The following ADCY10 variants were observed in gnomAD, a reference collection of about 807,000 sequenced individuals.
ADCY10 encodes the protein adenylate cyclase type 10.
Under a neutral mutation model 183.3 loss-of-function variants are expected in ADCY10, and 156 were observed. The ratio of observed to expected loss-of-function variants is 0.85; its 90% CI spans 0.75 to 0.97. The LOEUF (loss-of-function observed/expected upper bound fraction) is 0.97, where lower values mean the gene tolerates loss of function less well. Ranked by LOEUF, ADCY10 falls within the 50% of genes least tolerant of loss-of-function variation. The pLI, the probability that ADCY10 is intolerant of heterozygous loss-of-function variation, is 0.00. For missense variants in ADCY10, 1,745 were observed against 1,934.3 expected, an observed-to-expected ratio of 0.90 and a Z score of 1.84; for synonymous variants, 645 against 670.0, an observed-to-expected ratio of 0.96 and a Z score of 0.58.
intron 9 of ADCY10, 86 bp from the exon 10 acceptor site, chr1:167,880,695 GC>G: frequency 1.1e-6 from 1 of 940,534 alleles, no homozygotes; most frequent in Non-Finnish European, 1.7e-6. Flanking sequence ...AGAGCCGGCG[GC>G]AATTTTTGGC....
At chr1:167,827,425 C>T (rs573222635) in intron 26 of ADCY10, among the ~76,000 whole-genome samples, 1 of 151,600 alleles carries the variant, frequency 6.6e-6, no homozygotes. Flanking sequence ...CTCGGCCTCC[C>T]AAAGTGCTAG....
rs1307645021 is a variant in ADCY10 at position 167,846,036 on chromosome 1, AG to A, written c.2664del (p.Ser889HisfsTer11). 1 of 1,614,058 alleles carries A rather than the reference AG, an allele frequency of 6.2e-7. No individual in the cohort carries two copies. The highest frequency in any genetic ancestry group is 8.5e-7 in the Non-Finnish European group (1 of 1,179,988). ...ELQKALKQND[P>X]SFEVHYRSLS... Reference sequence around the variant, plus strand: ...AAGGAACGATAGTGCACCTCAAATGAGGGATCATTCTGTTTCAGGGCCTTTT... The same window carrying A: ...AAGGAACGATAGTGCACCTCAAATGAGGATCATTCTGTTTCAGGGCCTTTT... On this transcript the variant is annotated frameshift_variant, in exon 20 of 33. Transcript: ENST00000367851. LOFTEE classifies it high-confidence loss of function.
intron 6 of ADCY10, 121 bp from the exon 7 acceptor site, chr1:167,896,812 A>C: frequency 1.4e-6 from 1 of 704,658 alleles, no homozygotes; most frequent in Non-Finnish European, 2.5e-6. Context: ...ACACTTAAAC[A>C]CCAAGACTAT....
At chr1:167,822,960 C>G (rs1209620843) in intron 29 of ADCY10, 48 bp downstream of exon 29, 3 of 1,518,600 alleles carry the variant, frequency 2.0e-6, no homozygotes, top group Non-Finnish European at 9.1e-7. Flanking sequence ...CACACCAGCA[C>G]AGGTATCAAC....
rs1234570558 is a variant in ADCY10, at chr1:167,822,096, T to C, written c.4214A>G (p.Gln1405Arg). The C allele has an allele frequency of 1.2e-6, 2 of 1,610,258 alleles. No homozygotes were observed. The highest frequency in any genetic ancestry group is 2.7e-5 in the African/African-American group (2 of 74,834). ...CTTGAGGATTCTGTTGTTTTCGTAT[T>C]GGTGTATGAATTCCAAACATTCTTC... is the stretch of plus-strand genomic sequence containing the variant. ...TFEECLEFIHQYENNRILKFH... is the reference protein window; with the variant it reads ...TFEECLEFIHRYENNRILKFH... Residue 1405 changes from glutamine (Q) to arginine (R), a missense_variant, in exon 30 of 33, where the codon CAA (glutamine) becomes CGA (arginine). Physicochemically the swap from Gln to Arg is conservative, Grantham distance 43. Transcript: ENST00000367851.
chr1:167,853,160 G>A (rs1037922986), intron 18 of ADCY10, among the ~76,000 whole-genome samples: 2 of 152,098 alleles, frequency 1.3e-5, no homozygotes, highest in East Asian at 1.9e-4. Context: ...AGAGGAATAC[G>A]TTTTGACCCT....
At chr1:167,868,116 T>C (rs1666834179) in intron 14 of ADCY10, among the ~76,000 whole-genome samples, 1 of 152,208 alleles carries the variant, frequency 6.6e-6, no homozygotes, top group Non-Finnish European at 1.5e-5. Context: ...TTTCAGACTT[T>C]CTATGATTAA....
At chr1:167,854,216 A>G (rs1417034022) in intron 18 of ADCY10, 137 bp downstream of exon 18, 4 of 1,067,094 alleles carry the variant, frequency 3.7e-6, no homozygotes, top group Non-Finnish European at 5.8e-6. Flanking sequence ...TATCGGATCC[A>G]ATAATTCCTG....
rs577177202 is a variant in ADCY10, at chr1:167,824,753, G to A, written c.3853C>T (p.Leu1285Phe). 2 of 1,614,216 alleles carry A rather than the reference G, an allele frequency of 1.2e-6. No individual in the cohort carries two copies. Among genetic ancestry groups the A allele is most frequent in the Admixed American group, 1.7e-5 (1 of 60,016 alleles). ...TCAATGCCCTCGCCTTTCAGGGGGAGGTTGAAGATGTGCTCCATGGCCATG... is the reference window on the plus strand; with the variant it reads ...TCAATGCCCTCGCCTTTCAGGGGGAAGTTGAAGATGTGCTCCATGGCCATG... ...EVMAMEHIFN[L>F]PLKGEGIEIV... Residue 1285 changes from leucine (L) to phenylalanine (F), a missense_variant, in exon 27 of 33, where the codon CTC (leucine) becomes TTC (phenylalanine). Coordinates refer to ENST00000367851, the MANE Select transcript of ADCY10 (RefSeq NM_018417.6).
At chr1:167,832,855 G>A (rs2101901145) in intron 25 of ADCY10, 132 bp downstream of exon 25, 1 of 927,590 alleles carries the variant, frequency 1.1e-6, no homozygotes, top group Non-Finnish European at 1.7e-6. Flanking sequence ...CCCCTCCCCA[G>A]TGAATGGTCA....
chr1:167,899,346 T>C (rs1669228111), intron 6 of ADCY10, 77 bp downstream of exon 6: 1 of 1,422,492 alleles, frequency 7.0e-7, no homozygotes, highest in African/African-American at 1.4e-5. Context: ...GAAACCAGCG[T>C]GCCCAGTGAC....
At chr1:167,878,784 T>C (rs1667674003) in intron 11 of ADCY10, 149 bp from the exon 12 acceptor site, 7 of 801,622 alleles carry the variant, frequency 8.7e-6, no homozygotes, top group Non-Finnish European at 1.4e-5. Flanking sequence ...AAGACCCATA[T>C]TCAGCCAATG....
chr1:167,880,384 C>G (rs1300384780), intron 10 of ADCY10, 107 bp downstream of exon 10: 1 of 1,006,552 alleles, frequency 9.9e-7, no homozygotes, highest in Non-Finnish European at 1.6e-6. Context: ...AGACACAGGA[C>G]TAAGTTCTTA....
At chr1:167,837,600 AT>A (rs1416701509) in intron 21 of ADCY10, among the ~76,000 whole-genome samples, 1 of 152,204 alleles carries the variant, frequency 6.6e-6, no homozygotes, top group African/African-American at 2.4e-5. Context: ...AACCTGAAGG[AT>A]AGCAAACCCA....
intron 8 of ADCY10, among the ~76,000 whole-genome samples, chr1:167,891,966 T>A (rs1407506236): frequency 6.6e-6 from 1 of 151,038 alleles, no homozygotes; most frequent in Non-Finnish European, 1.5e-5. Flanking sequence ...TGTGCTAATT[T>A]TTTTCTTTTC....
intron 18 of ADCY10, among the ~76,000 whole-genome samples, chr1:167,853,830 CTTTTTTTTTT>C (rs538462140): frequency 2.6e-5 from 2 of 77,184 alleles, no homozygotes; most frequent in African/African-American, 1.1e-4. Flanking sequence ...ACTATAGTTA[CTTTTTTTTTT>C]TTTTTTTTTT....
chr1:167,864,407 G>C (rs1286982336), intron 14 of ADCY10, among the ~76,000 whole-genome samples: 2 of 152,206 alleles, frequency 1.3e-5, no homozygotes, highest in Non-Finnish European at 2.9e-5. Context: ...TTGGCCATCA[G>C]AAGGAAGCCT....
intron 9 of ADCY10, among the ~76,000 whole-genome samples, chr1:167,882,931 T>A (rs1044394155): frequency 1.4e-4 from 21 of 152,200 alleles, no homozygotes; most frequent in Non-Finnish European, 2.5e-4. Context: ...GAGGATGAAA[T>A]GAGTCAATAG....
intron 11 of ADCY10, 44 bp downstream of exon 11, chr1:167,880,071 T>C (rs1297647536): frequency 8.4e-6 from 13 of 1,541,242 alleles, no homozygotes; most frequent in Middle Eastern, 2.0e-4. Flanking sequence ...GGCAAGGTGC[T>C]GTGTTTGCAG....
Sources: allele counts gnomAD v4.1 joint callset (sites outside exome capture counted in the v4.1 genomes callset), GRCh38; gene constraint gnomAD v4.1.1; transcripts MANE v1.5; gene names NCBI Gene and HGNC (gene_info 2026-07-23, HGNC 2026-07-21).